The following ATP8A1 variants were observed in gnomAD, a reference collection of about 807,000 sequenced individuals.
ATP8A1 encodes phospholipid-transporting ATPase IA.
A neutral mutation model predicts 177.7 loss-of-function variants in ATP8A1; 90 were observed. That is an observed-to-expected ratio of 0.51 (90% CI 0.43 to 0.60). The LOEUF (loss-of-function observed/expected upper bound fraction) is 0.60, where lower values mean the gene tolerates loss of function less well. Ranked by LOEUF, ATP8A1 falls within the 20% of genes least tolerant of loss-of-function variation. ATP8A1 has a pLI of 0.00. For missense variants in ATP8A1, 1,072 were observed against 1,392.8 expected, an observed-to-expected ratio of 0.77 and a Z score of 3.67; for synonymous variants, 493 against 485.9, an observed-to-expected ratio of 1.01 and a Z score of -0.19.
At chr4:42,606,346 T>C (rs1014366590) in intron 5 of ATP8A1, among the ~76,000 whole-genome samples, 3 of 152,126 alleles carry the variant, frequency 2.0e-5, no homozygotes, top group African/African-American at 4.8e-5. Flanking sequence ...ACACGGGTGT[T>C]GAAGCTCCAT....
chr4:42,441,166 T>C (rs1716600996), intron 33 of ATP8A1, among the ~76,000 whole-genome samples: 1 of 152,180 alleles, frequency 6.6e-6, no homozygotes, highest in Non-Finnish European at 1.5e-5. Flanking sequence ...TAACTTATGC[T>C]GGCATTACTT....
intron 22 of ATP8A1, 21 bp downstream of exon 22, chr4:42,522,139 T>C (rs1726190953): frequency 3.1e-6 from 5 of 1,590,342 alleles, no homozygotes; most frequent in Admixed American, 1.9e-5. Context: ...CTCTGTATGA[T>C]CAACAGAATC....
intron 25 of ATP8A1, among the ~76,000 whole-genome samples, chr4:42,476,414 T>C (rs1050837306): frequency 6.6e-6 from 1 of 150,478 alleles, no homozygotes; most frequent in Non-Finnish European, 1.5e-5. Context: ...AGGTCAGGAG[T>C]TTGAGACCAG....
chr4:42,636,560 T>G (rs1328567400), intron 1 of ATP8A1, among the ~76,000 whole-genome samples: 1 of 152,194 alleles, frequency 6.6e-6, no homozygotes, highest in Non-Finnish European at 1.5e-5. Flanking sequence ...AAATGGAAAC[T>G]ATTTAGCAAT....
chr4:42,430,787 C>T (rs995735332), intron 33 of ATP8A1, among the ~76,000 whole-genome samples: 4 of 151,870 alleles, frequency 2.6e-5, no homozygotes, highest in Non-Finnish European at 4.4e-5. Flanking sequence ...TACTAGTCAC[C>T]CCCTCCCTCA....
chr4:42,474,007 C>G (rs1578006360), intron 25 of ATP8A1, among the ~76,000 whole-genome samples: 1 of 152,250 alleles, frequency 6.6e-6, no homozygotes, highest in East Asian at 1.9e-4. Context: ...GCCTCATGAC[C>G]TTCCTATGTT....
chr4:42,542,373 G>A (rs1306555376), intron 20 of ATP8A1, among the ~76,000 whole-genome samples: 1 of 151,944 alleles, frequency 6.6e-6, no homozygotes, highest in Admixed American at 6.6e-5. Context: ...ATGTGATTCG[G>A]GTTTTGTAAA....
chr4:42,460,474 G>A (rs936852764), intron 27 of ATP8A1, among the ~76,000 whole-genome samples: 2 of 140,206 alleles, frequency 1.4e-5, no homozygotes, highest in Non-Finnish European at 3.0e-5. Context: ...TGCAACCTCT[G>A]CCTCCCTGGT....
intron 33 of ATP8A1, among the ~76,000 whole-genome samples, chr4:42,431,279 C>T (rs1715271803): frequency 6.6e-6 from 1 of 152,074 alleles, no homozygotes; most frequent in Non-Finnish European, 1.5e-5. Flanking sequence ...ACTCTAATCT[C>T]TTTCTCTGCA....
chr4:42,486,346 T>C (rs1161782916), intron 24 of ATP8A1, among the ~76,000 whole-genome samples: 3 of 152,198 alleles, frequency 2.0e-5, no homozygotes, highest in Non-Finnish European at 2.9e-5. Flanking sequence ...CTAATCTTGC[T>C]TGGACCAGTA....
intron 5 of ATP8A1, among the ~76,000 whole-genome samples, chr4:42,613,309 G>T (rs1736557519): frequency 6.6e-6 from 1 of 151,484 alleles, no homozygotes; most frequent in South Asian, 2.1e-4. Flanking sequence ...CTTGGATATG[G>T]GACTTATAAG....
intron 20 of ATP8A1, among the ~76,000 whole-genome samples, chr4:42,530,961 C>T (rs113194064): frequency 4.7e-4 from 72 of 152,262 alleles, no homozygotes; most frequent in African/African-American, 1.6e-3. Flanking sequence ...GAGGGAGGAA[C>T]ACTGTTATCA....
In ATP8A1 at chr4:42,581,498, T is replaced by C. The variant is rs896574752; in HGVS notation, c.834+123A>G. ...ACAGGAGTACCAGATTCTGAACATA[T>C]AGGGTTGGATCAGGAGTCTGTGACA... On this transcript the variant is annotated intron_variant, in intron 10 of 36. Coordinates refer to ENST00000381668, the MANE Select transcript of ATP8A1 (RefSeq NM_006095.2). 5.4e-5 allele frequency: 39 copies of C among 722,102 alleles called. 1 individual carries two copies. Among genetic ancestry groups the C allele is most frequent in the Admixed American group, 9.5e-5 (4 of 42,178 alleles). 44.7% of individuals were successfully genotyped at this position (722,102 alleles called of 1,614,324 possible). A position where few individuals can be genotyped will look rare whatever the true frequency, so the allele number is the denominator to read the frequency against.
intron 21 of ATP8A1, 114 bp downstream of exon 21, chr4:42,524,649 T>G: frequency 1.7e-6 from 1 of 578,662 alleles, no homozygotes; most frequent in East Asian, 3.0e-5. Context: ...TGCCAACAGC[T>G]GATATCTTAC....
At chr4:42,424,368 C>T (rs1714343469) in intron 33 of ATP8A1, among the ~76,000 whole-genome samples, 1 of 151,844 alleles carries the variant, frequency 6.6e-6, no homozygotes, top group Non-Finnish European at 1.5e-5. Context: ...TTAGATTACA[C>T]AGAACTTAAA....
intron 27 of ATP8A1, 149 bp downstream of exon 27, chr4:42,464,541 A>G: frequency 1.9e-6 from 1 of 530,376 alleles, no homozygotes; most frequent in Non-Finnish European, 3.3e-6. Context: ...CTGGGATTAC[A>G]GGCCACCTTT....
In ATP8A1 at chr4:42,443,050, A is replaced by T. The variant is rs527626629; in HGVS notation, c.3123+515T>A. Among the ~76,000 whole-genome samples, 23 of 152,328 alleles carry T rather than the reference A, an allele frequency of 1.5e-4. No homozygotes were observed. The South Asian group carries it at 4.8e-3, about 32-fold the overall frequency. On this transcript the variant is annotated intron_variant, in intron 33 of 36. Coordinates refer to ENST00000381668, the MANE Select transcript of ATP8A1 (RefSeq NM_006095.2). ...TGAAAGACAGAATTGAAAATGGACT[A>T]TGATAAGGCTGAAATGTCAGATGCC...
chr4:42,588,652 T>G (rs1027022637), intron 7 of ATP8A1: 2 of 171,278 alleles, frequency 1.2e-5, no homozygotes, highest in African/African-American at 4.7e-5. Context: ...ACAGACTGTA[T>G]CTGAAATGTA....
chr4:42,569,924 A>C (rs369059191), intron 14 of ATP8A1, among the ~76,000 whole-genome samples: 2 of 152,242 alleles, frequency 1.3e-5, no homozygotes, highest in South Asian at 2.1e-4. Flanking sequence ...GAAGGGGCCC[A>C]TAATACATGA....
Sources: gnomAD v4.1 joint callset for allele counts (sites outside exome capture counted in the v4.1 genomes callset) on GRCh38, gnomAD v4.1.1 for gene constraint, MANE v1.5 for transcripts, NCBI Gene and HGNC (gene_info 2026-07-23, HGNC 2026-07-21) for gene names.